Variants in PDE4B observed in about 807,000 individuals in gnomAD.
PDE4B encodes 3',5'-cyclic-AMP phosphodiesterase 4B.
PDE4B carries 20 observed loss-of-function variants against 82.2 expected under a neutral mutation model. That is an observed-to-expected ratio of 0.24 (90% CI 0.17 to 0.35). PDE4B has a LOEUF of 0.35. Among genes scored for constraint, PDE4B ranks in the 10% least tolerant of loss-of-function variants. The pLI is 1.00. For missense variants in PDE4B, 655 were observed against 907.2 expected (o/e 0.72, Z 3.57); for synonymous variants, 320 against 318.9 (o/e 1.00, Z -0.04).
rs143816827 is a variant in PDE4B, at chr1:66,131,866, G to A, written c.282-115594G>A. On this transcript the variant is annotated intron_variant, in intron 3 of 16. Transcript: ENST00000341517. ...ACACATATGGAAACAAGGCCTCTCT[G>A]TCAGCTGACCTCTAAGCAGTGAGGT... is the stretch of plus-strand genomic sequence containing the variant. Among the ~76,000 whole-genome samples the A allele has an allele frequency of 8.2e-3, 1,253 of 151,950 alleles. 26 individuals are homozygous for A. Among genetic ancestry groups the A allele is most frequent in the African/African-American group, 0.028 (1,170 of 41,438 alleles).
rs141737715 is a variant in PDE4B, at chr1:66,046,863, A to G, written c.281+128028A>G. ...GAATATCCTCCAATATTCAGATACA[A>G]TGGGCTCTAGCATACTCTTTAAGAA... On this transcript the variant is annotated intron_variant, in intron 3 of 16. Coordinates refer to ENST00000341517, the MANE Select transcript of PDE4B (RefSeq NM_002600.4). Among the ~76,000 whole-genome samples, 14 of 151,964 alleles carry G rather than the reference A, an allele frequency of 9.2e-5. No individual in the cohort carries two copies. In the East Asian group the frequency reaches 1.9e-3, roughly 21 times the overall value.
At chr1:66,249,759 A>G (rs1486210740) in intron 4 of PDE4B, among the ~76,000 whole-genome samples, 1 of 151,524 alleles carries the variant, frequency 6.6e-6, no homozygotes, top group Non-Finnish European at 1.5e-5. Context: ...AAATTATTTA[A>G]TATCATTCTC....
intron 3 of PDE4B, among the ~76,000 whole-genome samples, chr1:65,999,366 C>G (rs921026834): frequency 3.3e-5 from 5 of 152,170 alleles, no homozygotes; most frequent in African/African-American, 9.7e-5. Context: ...TTATCTGGCC[C>G]CAGGCTGCTT....
At chr1:66,356,756 A>C (rs920096080) in intron 9 of PDE4B, among the ~76,000 whole-genome samples, 6 of 152,214 alleles carry the variant, frequency 3.9e-5, no homozygotes, top group African/African-American at 1.4e-4. Context: ...AGCTTACTGC[A>C]TTACTCTGCA....
At chr1:66,116,813 C>G (rs1234404249) in intron 3 of PDE4B, among the ~76,000 whole-genome samples, 1 of 152,192 alleles carries the variant, frequency 6.6e-6, no homozygotes, top group Admixed American at 6.5e-5. Context: ...AATCCTCCAT[C>G]CTCGGCCTCC....
intron 1 of PDE4B, among the ~76,000 whole-genome samples, chr1:65,889,846 T>A (rs1207367427): frequency 6.6e-6 from 1 of 152,156 alleles, no homozygotes; most frequent in Non-Finnish European, 1.5e-5. Flanking sequence ...ACAATTTTGT[T>A]CCTATGGAAT....
intron 3 of PDE4B, among the ~76,000 whole-genome samples, chr1:66,097,008 A>G (rs1383271971): frequency 6.6e-6 from 1 of 151,958 alleles, no homozygotes; most frequent in Non-Finnish European, 1.5e-5. Context: ...TTCTCAGCTA[A>G]TGGACATTTG....
intron 3 of PDE4B, among the ~76,000 whole-genome samples, chr1:65,991,875 T>G (rs1211156075): frequency 6.6e-6 from 1 of 152,220 alleles, no homozygotes; most frequent in African/African-American, 2.4e-5. Flanking sequence ...GACTCTGTGC[T>G]TTAACTGAGA....
chr1:66,174,115 A>T (rs546702324), intron 3 of PDE4B, among the ~76,000 whole-genome samples: 2 of 152,098 alleles, frequency 1.3e-5, no homozygotes, highest in East Asian at 1.9e-4. Context: ...TTACCTACAA[A>T]TTTTTTCCTG....
intron 3 of PDE4B, among the ~76,000 whole-genome samples, chr1:66,101,991 T>A (rs1250471287): frequency 6.6e-6 from 1 of 152,172 alleles, no homozygotes; most frequent in Non-Finnish European, 1.5e-5. Context: ...CTTTAATCCA[T>A]CTTGAATTAA....
intron 3 of PDE4B, among the ~76,000 whole-genome samples, chr1:65,944,624 AG>A (rs1478310484): frequency 1.3e-5 from 2 of 151,982 alleles, no homozygotes; most frequent in Admixed American, 6.6e-5. Context: ...ATTTGAAAGG[AG>A]GGGGAATGCA....
At chr1:66,022,473 T>C (rs1653185225) in intron 3 of PDE4B, among the ~76,000 whole-genome samples, 1 of 152,230 alleles carries the variant, frequency 6.6e-6, no homozygotes, top group Admixed American at 6.5e-5. Context: ...TATTTTGAGA[T>C]ATATGCCATC....
intron 3 of PDE4B, among the ~76,000 whole-genome samples, chr1:66,023,165 ATACTTTATAAGC>A (rs888705373): frequency 1.3e-5 from 2 of 152,110 alleles, no homozygotes; most frequent in African/African-American, 4.8e-5. Context: ...AGCTTTAGGC[ATACTTTATAAGC>A]TCTGTCATCC....
chr1:66,022,839 G>A (rs1028684433), intron 3 of PDE4B, among the ~76,000 whole-genome samples: 11 of 152,132 alleles, frequency 7.2e-5, no homozygotes, highest in African/African-American at 2.7e-4. Flanking sequence ...AATTAGGGAG[G>A]ATTCCCTCTT....
intron 3 of PDE4B, among the ~76,000 whole-genome samples, chr1:66,031,740 T>C (rs1653788090): frequency 6.6e-6 from 1 of 152,214 alleles, no homozygotes; most frequent in South Asian, 2.1e-4. Context: ...GGAAAAATAA[T>C]CAAGTTTTGA....
At chr1:66,064,186 T>C (rs12043568) in intron 3 of PDE4B, among the ~76,000 whole-genome samples, 12,267 of 151,982 alleles carry the variant, frequency 0.081, 918 homozygotes, top group East Asian at 0.26. Context: ...TAGAATTTGC[T>C]TCCAACGGTG....
At chr1:66,149,796 T>C in intron 3 of PDE4B, among the ~76,000 whole-genome samples, 1 of 152,322 alleles carries the variant, frequency 6.6e-6, no homozygotes, top group African/African-American at 2.4e-5. Context: ...GAGGATGCAG[T>C]AAGCTATGAT....
chr1:65,845,891 C>G (rs1247052213), intron 1 of PDE4B, among the ~76,000 whole-genome samples: 1 of 152,084 alleles, frequency 6.6e-6, no homozygotes, highest in Non-Finnish European at 1.5e-5. Context: ...TTCTCCAGTC[C>G]CTATGCAGGG....
chr1:66,253,435 G>C (rs1052062155), intron 4 of PDE4B, among the ~76,000 whole-genome samples: 2 of 152,140 alleles, frequency 1.3e-5, no homozygotes, highest in Non-Finnish European at 2.9e-5. Context: ...TCAATTCTAT[G>C]ACTCAGTACT....
Sources: gnomAD v4.1 joint callset for allele counts (sites outside exome capture counted in the v4.1 genomes callset) on GRCh38, gnomAD v4.1.1 for gene constraint, MANE v1.5 for transcripts, NCBI Gene and HGNC (gene_info 2026-07-23, HGNC 2026-07-21) for gene names.